The following NCOR1 variants were observed in gnomAD, a reference collection of about 807,000 sequenced individuals.
NCOR1 encodes the protein protein phosphatase 1, regulatory subunit 109.
In NCOR1, 63 loss-of-function variants were observed where a neutral mutation model predicts 288.1. The observed-to-expected ratio is 0.22, with a 90% CI of 0.18 to 0.27. The LOEUF (loss-of-function observed/expected upper bound fraction) is 0.27, where lower values mean the gene tolerates loss of function less well. Among genes scored for constraint, NCOR1 ranks in the 10% least tolerant of loss-of-function variants. NCOR1 has a pLI of 1.00. For synonymous variants in NCOR1, 1,007 were observed against 1,065.9 expected, an observed-to-expected ratio of 0.94 and a Z score of 1.08; for missense variants, 2,397 against 3,019.2, an observed-to-expected ratio of 0.79 and a Z score of 4.83.
In NCOR1 at chr17:16,068,010, A is replaced by C; in HGVS notation, c.4625T>G (p.Val1542Gly). The change falls in exon 32 of 46, where the codon GTG becomes GGG. Residue 1542 changes from valine to glycine, a missense_variant. Physicochemically the swap from Val to Gly is moderately radical, Grantham distance 109. Coordinates refer to ENST00000268712, the MANE Select transcript of NCOR1 (RefSeq NM_006311.4). ...ATGGGGATCAAACGGACTGTGGCTC[A>C]CGACAGGGTCCACCCCAGGCACTGG... Reference protein sequence around the residue: ...KSPVPGVDPVVSHSPFDPHHR... With the variant: ...KSPVPGVDPVGSHSPFDPHHR... The C allele has an allele frequency of 6.2e-7, 1 of 1,614,216 alleles. No homozygotes were observed. Among genetic ancestry groups the C allele is most frequent in the Non-Finnish European group, 8.5e-7 (1 of 1,180,036 alleles).
chr17:16,116,303 G>A (rs1005218843), intron 18 of NCOR1, among the ~76,000 whole-genome samples: 3 of 152,108 alleles, frequency 2.0e-5, no homozygotes, highest in Non-Finnish European at 4.4e-5. Flanking sequence ...ATCATGAAAT[G>A]GCCATTTGGA....
chr17:16,118,477 C>G (rs2072209527), intron 17 of NCOR1, among the ~76,000 whole-genome samples: 2 of 152,146 alleles, frequency 1.3e-5, no homozygotes, highest in Admixed American at 1.3e-4. Context: ...AGTCAATTCA[C>G]AATCAAGCAA....
intron 2 of NCOR1, among the ~76,000 whole-genome samples, chr17:16,192,915 G>A (rs969671634): frequency 6.6e-6 from 1 of 152,130 alleles, no homozygotes; most frequent in African/African-American, 2.4e-5. Flanking sequence ...GAAGTATTAT[G>A]GGAAGCAAAA....
rs910168488 is a variant in NCOR1, at chr17:16,080,142, G to C, written c.3401-78C>G. On this transcript the variant is annotated intron_variant, in intron 25 of 45. Transcript: ENST00000268712. The stretch of plus-strand genomic sequence containing the variant: ...ACATAAAAAAACAGCCCCTACTTGG[G>C]AGAGTACTCAACTAAGAAGAAAAGA... 1.2e-5 allele frequency: 14 copies of C among 1,207,862 alleles called. No individual in the cohort carries two copies. In the African/African-American group the frequency reaches 1.7e-4, roughly 14 times the overall value. The allele number at this position is 1,207,862 out of a possible 1,614,324, so 74.8% of individuals were successfully genotyped here. A position where few individuals can be genotyped will look rare whatever the true frequency, so the allele number is the denominator to read the frequency against.
intron 20 of NCOR1, chr17:16,098,779 T>G (rs1199595809): frequency 5.0e-6 from 1 of 200,058 alleles, no homozygotes; most frequent in Non-Finnish European, 9.9e-6. Flanking sequence ...AAGAAAAACA[T>G]GCAAATTTGC....
chr17:16,122,069 T>A (rs2073128119), intron 15 of NCOR1, among the ~76,000 whole-genome samples: 1 of 152,234 alleles, frequency 6.6e-6, no homozygotes, highest in African/African-American at 2.4e-5. Context: ...TTTGCTATTA[T>A]TCAAGCTAAA....
chr17:16,098,894 G>C (rs1237925777), intron 20 of NCOR1: 1 of 152,818 alleles, frequency 6.5e-6, no homozygotes, highest in Non-Finnish European at 1.5e-5. Context: ...CAATCTAAAC[G>C]AAGTCCATTT....
intron 10 of NCOR1, among the ~76,000 whole-genome samples, chr17:16,144,574 C>T (rs537174745): frequency 2.6e-4 from 39 of 152,208 alleles, no homozygotes; most frequent in African/African-American, 8.9e-4. Context: ...AGCTATTTTT[C>T]CTGAACCCTC....
intron 2 of NCOR1, among the ~76,000 whole-genome samples, chr17:16,191,657 C>T (rs75263828): frequency 5.3e-5 from 8 of 151,842 alleles, no homozygotes; most frequent in Admixed American, 2.0e-4. Flanking sequence ...GAATAACATG[C>T]AACATGAGTA....
intron 18 of NCOR1, among the ~76,000 whole-genome samples, 175 bp from the exon 19 acceptor site, chr17:16,109,087 C>T (rs1007426138): frequency 6.6e-6 from 1 of 152,090 alleles, no homozygotes; most frequent in African/African-American, 2.4e-5. Flanking sequence ...CACTAACTGG[C>T]CAAATTTTGT....
chr17:16,171,020 C>T (rs2083050734), intron 4 of NCOR1, among the ~76,000 whole-genome samples: 1 of 151,862 alleles, frequency 6.6e-6, no homozygotes, highest in African/African-American at 2.4e-5. Flanking sequence ...CTTTGTACAG[C>T]ATGGCAACTA....
intron 1 of NCOR1, among the ~76,000 whole-genome samples, chr17:16,196,787 T>C (rs1052101002): frequency 5.9e-5 from 8 of 136,680 alleles, no homozygotes; most frequent in Admixed American, 4.1e-4. Flanking sequence ...ATCGGGCCAC[T>C]GCATGCCAGC....
chr17:16,193,637 A>G (rs1246253065), intron 2 of NCOR1, among the ~76,000 whole-genome samples: 2 of 152,188 alleles, frequency 1.3e-5, no homozygotes, highest in African/African-American at 4.8e-5. Context: ...ACACCCAATC[A>G]TGACAGAAAT....
chr17:16,068,816 C>T (rs992540676), intron 31 of NCOR1, among the ~76,000 whole-genome samples: 1 of 150,814 alleles, frequency 6.6e-6, no homozygotes, highest in Non-Finnish European at 1.5e-5. Flanking sequence ...TGGGTTCAAG[C>T]GATTCTCCTG....
chr17:16,153,782 C>T (rs528122924), intron 6 of NCOR1, among the ~76,000 whole-genome samples: 4 of 152,212 alleles, frequency 2.6e-5, no homozygotes, highest in African/African-American at 7.2e-5. Context: ...CATACTTTAA[C>T]TCATATCATC....
intron 21 of NCOR1, among the ~76,000 whole-genome samples, chr17:16,097,100 A>T (rs2066769445): frequency 6.6e-6 from 1 of 152,216 alleles, no homozygotes; most frequent in African/African-American, 2.4e-5. Flanking sequence ...TCCTTCTCCC[A>T]AAGACTTTTT....
intron 41 of NCOR1, among the ~76,000 whole-genome samples, chr17:16,047,744 T>C (rs910664465): frequency 2.6e-5 from 4 of 152,154 alleles, no homozygotes; most frequent in Non-Finnish European, 5.9e-5. Context: ...AGGATCTAGC[T>C]AGAGCCAGAG....
intron 44 of NCOR1, among the ~76,000 whole-genome samples, chr17:16,035,522 C>T (rs1035986783): frequency 6.7e-6 from 1 of 148,234 alleles, no homozygotes; most frequent in African/African-American, 2.5e-5. Context: ...ACTACTAGTT[C>T]TCTTGTTCTT....
At chr17:16,144,722 T>TCTCTCTC in intron 10 of NCOR1, among the ~76,000 whole-genome samples, 1 of 151,500 alleles carries the variant, frequency 6.6e-6, no homozygotes, top group African/African-American at 2.4e-5. Context: ...TCCCTCTCCC[T>TCTCTCTC]CTCTCTCCTC....
Sources: allele counts gnomAD v4.1 joint callset (sites outside exome capture counted in the v4.1 genomes callset), GRCh38; gene constraint gnomAD v4.1.1; transcripts MANE v1.5; gene names NCBI Gene and HGNC (gene_info 2026-07-23, HGNC 2026-07-21).